MYOM2: variants seen among roughly 807,000 people sequenced by gnomAD.
MYOM2 encodes the protein myomesin 2, also known as myomesin-2.
Under a neutral mutation model 187.6 loss-of-function variants are expected in MYOM2, and 254 were observed. The observed-to-expected ratio is 1.35, with a 90% CI of 1.22 to 1.50. The LOEUF (loss-of-function observed/expected upper bound fraction) is 1.50, where lower values mean the gene tolerates loss of function less well. Among genes scored for constraint, MYOM2 ranks in the 40% most tolerant of loss-of-function variants. The pLI is 0.00. For synonymous variants in MYOM2, 981 were observed against 753.8 expected, an observed-to-expected ratio of 1.30 and a Z score of -4.94; for missense variants, 2,796 against 1,924.0, an observed-to-expected ratio of 1.45 and a Z score of -8.48.
chr8:2,108,908 G>A (rs1159022962), intron 24 of MYOM2, 78 bp downstream of exon 24: 8 of 1,399,000 alleles, frequency 5.7e-6, no homozygotes, highest in Non-Finnish European at 8.0e-6. Context: ...ATGAGCTCTT[G>A]GAAGAACAGC....
At position 2,072,457 on chromosome 8, in the gene MYOM2, G is replaced by T. The variant is rs1419760136; in HGVS notation, c.906G>T (p.Leu302=). 6.2e-7 allele frequency: 1 copy of T among 1,614,120 alleles called. No homozygotes were observed. The highest frequency in any genetic ancestry group is 1.7e-5 in the Admixed American group (1 of 60,036). The part of the protein sequence containing the change: ...GETVTLKCTM[L]VTPDLKRVQP... ...CGGTCACTCTCAAGTGCACCATGCT[G>T]GTGACGCCGGACCTGAAGCGGGTGC... The change falls in exon 9 of 37, where the codon CTG becomes CTT. Residue 302 remains leucine, a synonymous_variant. Transcript: ENST00000262113.
At chr8:2,122,584 T>C (rs1797494233) in intron 28 of MYOM2, among the ~76,000 whole-genome samples, 1 of 152,244 alleles carries the variant, frequency 6.6e-6, no homozygotes, top group Non-Finnish European at 1.5e-5. Flanking sequence ...ACATGGGATG[T>C]GAACATCGAA....
chr8:2,142,819 G>A (rs563436035), intron 35 of MYOM2, among the ~76,000 whole-genome samples: 1 of 148,724 alleles, frequency 6.7e-6, no homozygotes, highest in Non-Finnish European at 1.5e-5. Context: ...GCAATGGCAT[G>A]ATCTCGGCCC....
rs147501499 is a variant in MYOM2 at position 2,144,794 on chromosome 8, C to T, written c.4211C>T (p.Thr1404Ile). 1,849 of 1,614,170 alleles carry T rather than the reference C, an allele frequency of 1.1e-3. 8 individuals carry two copies. Among genetic ancestry groups the T allele is most frequent in the Middle Eastern group, 7.6e-3 (46 of 6,062 alleles). ...KVEQAKYVSM[T>I]IKGVTSEDSG... ...GAGCAGGCCAAGTACGTCAGCATGA[C>T]CATCAAAGGCGTGACCTCCGAGGAC... is the stretch of plus-strand genomic sequence containing the variant. The change falls in exon 37 of 37, where the codon ACC becomes ATC. Residue 1404 changes from threonine (T) to isoleucine (I), a missense_variant. Thr to Ile is a moderately conservative substitution (Grantham distance 89). Transcript: ENST00000262113.
In MYOM2 at chr8:2,109,608, A is replaced by G. The variant is rs571035935; in HGVS notation, c.3180+77A>G. 2.9e-4 allele frequency: 424 copies of G among 1,446,538 alleles called. 3 individuals carry two copies. The South Asian group carries it at 3.9e-3, about 13-fold the overall frequency. The allele number at this position is 1,446,538 out of a possible 1,614,324, so 89.6% of individuals were successfully genotyped here. On this transcript the variant is annotated intron_variant, in intron 25 of 36. Transcript: ENST00000262113. Reference sequence around the variant, plus strand: ...GTGGTAGGTCAGTTACTGAATATCAACATTCTCTGTCTGTTTCCATCCTTT... The same window carrying G: ...GTGGTAGGTCAGTTACTGAATATCAGCATTCTCTGTCTGTTTCCATCCTTT...
chr8:2,084,692 A>G (rs1407073697), intron 13 of MYOM2, among the ~76,000 whole-genome samples: 2 of 152,238 alleles, frequency 1.3e-5, no homozygotes, highest in African/African-American at 4.8e-5. Flanking sequence ...GCTTATCAAC[A>G]TCACTCCAGA....
intron 36 of MYOM2, 95 bp downstream of exon 36, chr8:2,143,551 G>T: frequency 1.4e-6 from 2 of 1,460,230 alleles, no homozygotes; most frequent in South Asian, 1.1e-5. Flanking sequence ...ACCCAGTGAG[G>T]GGCTTCTGTG....
chr8:2,110,091 G>A (rs992812629), intron 25 of MYOM2, among the ~76,000 whole-genome samples: 3 of 152,194 alleles, frequency 2.0e-5, no homozygotes, highest in African/African-American at 7.2e-5. Context: ...GGGAGGCCGA[G>A]ATGGGGGCAT....
intron 25 of MYOM2, among the ~76,000 whole-genome samples, chr8:2,112,348 G>C (rs953494611): frequency 3.3e-5 from 5 of 151,808 alleles, no homozygotes; most frequent in Admixed American, 2.0e-4. Flanking sequence ...AGGATTTCAA[G>C]GGTAGAGGGT....
intron 23 of MYOM2, among the ~76,000 whole-genome samples, chr8:2,107,566 A>T (rs1357656073): frequency 2.0e-5 from 3 of 151,904 alleles, no homozygotes; most frequent in African/African-American, 4.8e-5. Flanking sequence ...CCAGAATCAC[A>T]CTCTCGGCTT....
rs1002386760 is a variant in MYOM2 at position 2,057,229 on chromosome 8, T to C, written c.264-119T>C. 17 of 1,206,666 alleles carry C rather than the reference T, an allele frequency of 1.4e-5. No individual in the cohort carries two copies. The African/African-American group carries it at 2.6e-4, about 18-fold the overall frequency. 74.7% of individuals were successfully genotyped at this position (1,206,666 alleles called of 1,614,324 possible). ...CAGAAGTAGCATTTCTCCTGTTCTC[T>C]TCTTGAACGCACTTAAGGAAACCCT... On this transcript the variant is annotated intron_variant, in intron 3 of 36. Transcript: ENST00000262113.
At chr8:2,054,301 G>A (rs1049883147) in intron 3 of MYOM2, among the ~76,000 whole-genome samples, 2 of 152,084 alleles carry the variant, frequency 1.3e-5, no homozygotes, top group South Asian at 4.1e-4. Flanking sequence ...CCTTCTGGAA[G>A]ATACGACCCC....
In MYOM2 at chr8:2,094,054, C is replaced by T; in HGVS notation, c.2088C>T (p.Ser696=). 6.2e-7 allele frequency: 1 copy of T among 1,614,124 alleles called. No individual in the cohort carries two copies. The highest frequency in any genetic ancestry group is 8.5e-7 in the Non-Finnish European group (1 of 1,180,030). ...AVNAVGMSEN[S]QESDVIKVQA... is the part of the protein sequence containing the mutation. ...ATGCTGTGGGGATGAGTGAAAATTC[C>T]CAGGAATCAGACGTCATAAAAGTGC... is the stretch of plus-strand genomic sequence containing the variant. Residue 696 remains serine (S), a synonymous_variant, in exon 17 of 37, where the codon TCC becomes TCT. Transcript: ENST00000262113.
chr8:2,071,431 T>G (rs1819213093), intron 8 of MYOM2, among the ~76,000 whole-genome samples: 1 of 152,208 alleles, frequency 6.6e-6, no homozygotes, highest in South Asian at 2.1e-4. Flanking sequence ...TTTTGAAATT[T>G]AACCAGGCTG....
chr8:2,130,827 A>G (rs12681998), intron 32 of MYOM2, among the ~76,000 whole-genome samples: 55,581 of 152,080 alleles, frequency 0.37, 10,589 homozygotes, highest in Non-Finnish European at 0.43. Flanking sequence ...GTTTTGTGAT[A>G]TAATTGTTTA....
intron 31 of MYOM2, 93 bp from the exon 32 acceptor site, chr8:2,129,034 G>A (rs538929987): frequency 1.9e-5 from 15 of 804,870 alleles, no homozygotes; most frequent in South Asian, 1.5e-4. Context: ...AGGATTGCAG[G>A]TGGGGACAGG....
intron 27 of MYOM2, among the ~76,000 whole-genome samples, chr8:2,117,230 A>C (rs950822768): frequency 6.6e-6 from 1 of 152,202 alleles, no homozygotes; most frequent in African/African-American, 2.4e-5. Context: ...TTTTGGGCCA[A>C]CTTTGTAGGA....
intron 14 of MYOM2, among the ~76,000 whole-genome samples, chr8:2,086,437 G>T (rs1370907239): frequency 1.4e-5 from 2 of 147,086 alleles, no homozygotes; most frequent in Non-Finnish European, 3.0e-5. Context: ...ATCTCTGCGT[G>T]GCCCCCTACT....
At position 2,073,296 on chromosome 8, in the gene MYOM2, G is replaced by T. The variant is rs377113162; in HGVS notation, c.959-43G>T. 27 of 1,576,298 alleles carry T rather than the reference G, an allele frequency of 1.7e-5. No homozygotes were observed. The Admixed American group carries it at 4.4e-4, about 26-fold the overall frequency. On this transcript the variant is annotated intron_variant, in intron 9 of 36. Transcript: ENST00000262113. ...TCCCCGAGGCTTTCTTTGCCTGCTG[G>T]GGTGATTTTGGATGCAAACCTTCCG...
Sources: allele counts gnomAD v4.1 joint callset (sites outside exome capture counted in the v4.1 genomes callset), GRCh38; gene constraint gnomAD v4.1.1; transcripts MANE v1.5; gene names NCBI Gene and HGNC (gene_info 2026-07-23, HGNC 2026-07-21).